The following SDR42E1 variants were observed in gnomAD, a reference collection of about 807,000 sequenced individuals.
The protein encoded by SDR42E1 is short chain dehydrogenase/reductase family 42E, member 1.
A neutral mutation model predicts 2.6 loss-of-function variants in SDR42E1; 5 were observed. That is an observed-to-expected ratio of 1.94 (90% CI 1.01 to 4.08). The LOEUF is 4.08. SDR42E1 is among the 30% of genes most tolerant of loss of function. The pLI, the probability that SDR42E1 is intolerant of heterozygous loss-of-function variation, is 0.00. For synonymous variants in SDR42E1, 231 were observed against 188.3 expected, an observed-to-expected ratio of 1.23 and a Z score of -1.86; for missense variants, 596 against 478.6, an observed-to-expected ratio of 1.25 and a Z score of -2.29.
At position 81,998,863 on chromosome 16, in the gene SDR42E1, A is replaced by G. The variant is rs1435296398; in HGVS notation, c.*248T>C. 7 of 516,312 alleles carry G rather than the reference A, an allele frequency of 1.4e-5. No individual in the cohort carries two copies. Among genetic ancestry groups the G allele is most frequent in the African/African-American group, 7.7e-5 (4 of 51,968 alleles). The allele number at this position is 516,312 out of a possible 1,614,324, so 32.0% of individuals were successfully genotyped here. A position where few individuals can be genotyped will look rare whatever the true frequency, so the allele number is the denominator to read the frequency against. On this transcript the variant is annotated 3_prime_UTR_variant, in exon 3 of 3. Transcript: ENST00000328945. Reference sequence around the variant, plus strand: ...CTTCTATGGCTCCAAACTGACTTCTATTGTACCCACCTAAAACAGAAGCAC... The same window carrying G: ...CTTCTATGGCTCCAAACTGACTTCTGTTGTACCCACCTAAAACAGAAGCAC...
At chr16:82,006,454 A>C (rs1458647616) in intron 1 of SDR42E1, among the ~76,000 whole-genome samples, 1 of 152,234 alleles carries the variant, frequency 6.6e-6, no homozygotes, top group East Asian at 1.9e-4. Flanking sequence ...AGTTAGAGGG[A>C]TAAGGAGAAG....
chr16:82,002,164 G>T (rs1173285985), intron 1 of SDR42E1, among the ~76,000 whole-genome samples: 1 of 152,080 alleles, frequency 6.6e-6, no homozygotes, highest in East Asian at 1.9e-4. Context: ...GAGGGAAGCG[G>T]GAGCAGCAGA....
In SDR42E1 at chr16:81,992,465, G is replaced by C. The variant is rs1912449421; in HGVS notation, c.*6646C>G. The C allele has an allele frequency of 6.6e-6, 1 of 152,120 alleles. No homozygotes were observed. The highest frequency in any genetic ancestry group is 1.5e-5 in the Non-Finnish European group (1 of 68,022). 9.4% of individuals were successfully genotyped at this position (152,120 alleles called of 1,614,324 possible). On this transcript the variant is annotated 3_prime_UTR_variant, in exon 3 of 3. Coordinates refer to ENST00000328945, the MANE Select transcript of SDR42E1 (RefSeq NM_145168.3). ...GACACTAACTCCTAGTGACTGTTAA[G>C]AGCAAAAGACGACTCATTCTTATAA...
Position 81,993,590 on chromosome 16 carries a change from G to A in SDR42E1, c.*5521C>T, listed in dbSNP as rs532836014. The A allele has an allele frequency of 6.8e-4, 104 of 152,232 alleles. No homozygotes were observed. Among genetic ancestry groups the A allele is most frequent in the African/African-American group, 2.3e-3 (95 of 41,534 alleles). 9.4% of individuals were successfully genotyped at this position (152,232 alleles called of 1,614,324 possible). On this transcript the variant is annotated 3_prime_UTR_variant, in exon 3 of 3. Coordinates refer to ENST00000328945, the MANE Select transcript of SDR42E1 (RefSeq NM_145168.3). The stretch of plus-strand genomic sequence containing the variant: ...GGCCTTGAATGTTCTTATTGCCTCA[G>A]GCTGGGAGTCTCAGGTGTAAAAGAA...
At position 81,999,527 on chromosome 16, in the gene SDR42E1, C is replaced by G; in HGVS notation, c.766G>C (p.Asp256His). The G allele has an allele frequency of 6.2e-7, 1 of 1,614,200 alleles. No individual in the cohort carries two copies. The highest frequency in any genetic ancestry group is 8.5e-7 in the Non-Finnish European group (1 of 1,180,028). ...IASGQPYFIS[D>H]GRPVNNFEFF... Reference sequence around the variant, plus strand: ...TCAAAGTTGTTCACGGGTCTGCCATCTGAGATGAAGTAGGGCTGCCCAGAG... The same window carrying G: ...TCAAAGTTGTTCACGGGTCTGCCATGTGAGATGAAGTAGGGCTGCCCAGAG... The change falls in exon 3 of 3, where the codon GAT becomes CAT. Residue 256 changes from aspartate (D) to histidine (H), a missense_variant. Physicochemically the swap from Asp to His is moderately conservative, Grantham distance 81 (BLOSUM62 -1). Transcript: ENST00000328945.
In SDR42E1 at chr16:81,996,919, G is replaced by C. The variant is rs907679097; in HGVS notation, c.*2192C>G. 4 of 152,268 alleles carry C rather than the reference G, an allele frequency of 2.6e-5. No individual in the cohort carries two copies. Among genetic ancestry groups the C allele is most frequent in the African/African-American group, 9.7e-5 (4 of 41,448 alleles). 9.4% of individuals were successfully genotyped at this position (152,268 alleles called of 1,614,324 possible). A position where few individuals can be genotyped will look rare whatever the true frequency, so the allele number is the denominator to read the frequency against. ...AACACCCGAGACTGTGGAAACGACA[G>C]TGCATGGCTGTGGCTGTGAGTATAA... is the stretch of plus-strand genomic sequence containing the variant. On this transcript the variant is annotated 3_prime_UTR_variant, in exon 3 of 3. Coordinates refer to ENST00000328945, the MANE Select transcript of SDR42E1 (RefSeq NM_145168.3).
Position 81,991,115 on chromosome 16 carries a change from C to A in SDR42E1, c.*7996G>T, listed in dbSNP as rs8058055. On this transcript the variant is annotated 3_prime_UTR_variant, in exon 3 of 3. Transcript: ENST00000328945. Reference sequence around the variant, plus strand: ...CAATATCAGTATTTGATTAGGTACACAAACAAGTCTTCCTGGAGGATGTCC... The same window carrying A: ...CAATATCAGTATTTGATTAGGTACAAAAACAAGTCTTCCTGGAGGATGTCC... 1 of 152,178 alleles carries A rather than the reference C, an allele frequency of 6.6e-6. No individual in the cohort carries two copies. Among genetic ancestry groups the A allele is most frequent in the Non-Finnish European group, 1.5e-5 (1 of 68,038 alleles). The allele number at this position is 152,178 out of a possible 1,614,324, so 9.4% of individuals were successfully genotyped here.
rs547180849 is a variant in SDR42E1, at chr16:81,997,768, A to C, written c.*1343T>G. 1 of 152,276 alleles carries C rather than the reference A, an allele frequency of 6.6e-6. No homozygotes were observed. The highest frequency in any genetic ancestry group is 1.9e-4 in the East Asian group (1 of 5,186). The allele number at this position is 152,276 out of a possible 1,614,324, so 9.4% of individuals were successfully genotyped here. ...CAAATGCAGTCAGTCCCAGCTCCCA[A>C]GTGAGGAAGCTAAGTTCTAAAGGGC... is the stretch of plus-strand genomic sequence containing the variant. On this transcript the variant is annotated 3_prime_UTR_variant, in exon 3 of 3. Coordinates refer to ENST00000328945, the MANE Select transcript of SDR42E1 (RefSeq NM_145168.3).
At position 81,994,648 on chromosome 16, in the gene SDR42E1, G is replaced by C. The variant is rs1008704620; in HGVS notation, c.*4463C>G. The stretch of plus-strand genomic sequence containing the variant: ...TGCTGGTGAAGATTTTAATAACATT[G>C]CTGGTGCTGGCTTCCAAGGCCAGCC... On this transcript the variant is annotated 3_prime_UTR_variant, in exon 3 of 3. Coordinates refer to ENST00000328945, the MANE Select transcript of SDR42E1 (RefSeq NM_145168.3). 5.3e-5 allele frequency: 8 copies of C among 152,198 alleles called. No homozygotes were observed. Among genetic ancestry groups the C allele is most frequent in the South Asian group, 2.1e-4 (1 of 4,822 alleles). The allele number at this position is 152,198 out of a possible 1,614,324, so 9.4% of individuals were successfully genotyped here.
Position 81,990,842 on chromosome 16 carries a change from C to T in SDR42E1, c.*8269G>A, listed in dbSNP as rs8057506. 1.3e-5 allele frequency: 2 copies of T among 152,198 alleles called. No homozygotes were observed. The highest frequency in any genetic ancestry group is 2.4e-5 in the African/African-American group (1 of 41,446). 9.4% of individuals were successfully genotyped at this position (152,198 alleles called of 1,614,324 possible). The stretch of plus-strand genomic sequence containing the variant: ...TTAAGGTATTTGCTGTGCTCAGAGA[C>T]ACTTCCACTGTGAAGTGCTTTGTAA... On this transcript the variant is annotated 3_prime_UTR_variant, in exon 3 of 3. Coordinates refer to ENST00000328945, the MANE Select transcript of SDR42E1 (RefSeq NM_145168.3).
intron 1 of SDR42E1, among the ~76,000 whole-genome samples, chr16:82,004,068 C>T (rs1318163297): frequency 6.6e-6 from 1 of 152,142 alleles, no homozygotes; most frequent in African/African-American, 2.4e-5. Context: ...CCAAACGAGA[C>T]AGAGGTCCTG....
intron 1 of SDR42E1, among the ~76,000 whole-genome samples, chr16:82,007,338 GTAATTGAAGTAATATCAACTGCCACTTAT>G (rs1369352996): frequency 3.9e-5 from 6 of 152,162 alleles, no homozygotes; most frequent in Admixed American, 3.9e-4. Flanking sequence ...TTAATATCTA[GTAATTGAAGTAATATCAACTGCCACTTAT>G]TAAGCACTTA....
chr16:82,011,263 C>T (rs1364102457), intron 1 of SDR42E1, 124 bp downstream of exon 1: 2 of 152,264 alleles, frequency 1.3e-5, no homozygotes, highest in Non-Finnish European at 2.9e-5. Flanking sequence ...TCCCGCCACC[C>T]TGCTCAGTCA....
chr16:81,999,500 A>G lies in SDR42E1; in HGVS notation c.793T>C (p.Phe265Leu). 1 of 1,614,120 alleles carries G rather than the reference A, an allele frequency of 6.2e-7. No individual in the cohort carries two copies. The highest frequency in any genetic ancestry group is 8.5e-7 in the Non-Finnish European group (1 of 1,180,010). Reference protein sequence around the residue: ...SDGRPVNNFEFFRPLVEGLGY... With the variant: ...SDGRPVNNFELFRPLVEGLGY... ...AGGCCCTCAACCAGAGGCCGGAAGA[A>G]CTCAAAGTTGTTCACGGGTCTGCCA... Residue 265 changes from phenylalanine (F) to leucine (L), a missense_variant, in exon 3 of 3, where the codon TTC becomes CTC. Phe to Leu is a conservative substitution (Grantham distance 22). Coordinates refer to ENST00000328945, the MANE Select transcript of SDR42E1 (RefSeq NM_145168.3).
chr16:82,007,540 A>G (rs955425779), intron 1 of SDR42E1: 6 of 152,328 alleles, frequency 3.9e-5, no homozygotes, highest in African/African-American at 1.2e-4. Context: ...TAGAGCAGGG[A>G]TCTGTACCAA....
chr16:82,001,985 CACACACAT>C (rs1035789528), intron 1 of SDR42E1, among the ~76,000 whole-genome samples: 2 of 150,950 alleles, frequency 1.3e-5, no homozygotes, highest in African/African-American at 4.9e-5. Context: ...CACACACACA[CACACACAT>C]ATACCTGTGC....
Position 81,994,087 on chromosome 16 carries a change from A to G in SDR42E1, c.*5024T>C, listed in dbSNP as rs1208800342. ...ACATGGCACACCAGGACATGCTGCG[A>G]TTCCTGGAGAAAAATCGAACTTAAA... On this transcript the variant is annotated 3_prime_UTR_variant, in exon 3 of 3. Transcript: ENST00000328945. The G allele has an allele frequency of 6.6e-6, 1 of 152,206 alleles. No homozygotes were observed. Among genetic ancestry groups the G allele is most frequent in the African/African-American group, 2.4e-5 (1 of 41,438 alleles). 9.4% of individuals were successfully genotyped at this position (152,206 alleles called of 1,614,324 possible). A position where few individuals can be genotyped will look rare whatever the true frequency, so the allele number is the denominator to read the frequency against.
chr16:82,003,344 T>C (rs1477112756), intron 1 of SDR42E1, among the ~76,000 whole-genome samples: 1 of 152,206 alleles, frequency 6.6e-6, no homozygotes, highest in Non-Finnish European at 1.5e-5. Flanking sequence ...AGAGTAGCCA[T>C]AAAACCAAAT....
Position 81,999,793 on chromosome 16 carries a change from T to C in SDR42E1, c.500A>G (p.Asn167Ser), listed in dbSNP as rs1013863358. ...SIAEQKVLEA[N>S]ATPLDRGDGV... ...GTCGCCTCTGTCCAGGGGTGTAGCA[T>C]TCGCCTCCAGCACCTTCTGCTCTGC... Residue 167 changes from asparagine to serine, a missense_variant, in exon 3 of 3, where the codon AAT becomes AGT. Coordinates refer to ENST00000328945, the MANE Select transcript of SDR42E1 (RefSeq NM_145168.3). 7 of 1,614,200 alleles carry C rather than the reference T, an allele frequency of 4.3e-6. No homozygotes were observed. The highest frequency in any genetic ancestry group is 1.7e-5 in the Admixed American group (1 of 60,028).
Sources: gnomAD v4.1 joint callset for allele counts (sites outside exome capture counted in the v4.1 genomes callset) on GRCh38, gnomAD v4.1.1 for gene constraint, MANE v1.5 for transcripts, NCBI Gene and HGNC (gene_info 2026-07-23, HGNC 2026-07-21) for gene names.